Variants in TNFRSF11B observed in about 807,000 individuals in gnomAD.
TNFRSF11B encodes TNF receptor superfamily member 11b, also known as tumor necrosis factor receptor superfamily member 11B.
Under a neutral mutation model 43.4 loss-of-function variants are expected in TNFRSF11B, and 16 were observed. That is an observed-to-expected ratio of 0.37 (90% CI 0.25 to 0.56). The LOEUF (loss-of-function observed/expected upper bound fraction) is 0.56, where lower values mean the gene tolerates loss of function less well. Among genes scored for constraint, TNFRSF11B ranks in the 20% least tolerant of loss-of-function variants. TNFRSF11B has a pLI of 0.80. For synonymous variants in TNFRSF11B, 185 were observed against 181.8 expected, an observed-to-expected ratio of 1.02 and a Z score of -0.14; for missense variants, 444 against 490.1, an observed-to-expected ratio of 0.91 and a Z score of 0.89.
chr8:118,929,738 T>C (rs185893968), intron 2 of TNFRSF11B, among the ~76,000 whole-genome samples: 1 of 152,376 alleles, frequency 6.6e-6, no homozygotes, highest in East Asian at 1.9e-4. Context: ...CACTTGACTA[T>C]ATTACGCATG....
At chr8:118,929,924 A>G (rs1812303312) in intron 2 of TNFRSF11B, among the ~76,000 whole-genome samples, 1 of 152,364 alleles carries the variant, frequency 6.6e-6, no homozygotes, top group African/African-American at 2.4e-5. Flanking sequence ...ATTAAACTTC[A>G]TTTATAAATC....
chr8:118,931,430 T>C (rs974848856), intron 2 of TNFRSF11B, among the ~76,000 whole-genome samples: 2 of 152,232 alleles, frequency 1.3e-5, no homozygotes, highest in East Asian at 3.8e-4. Context: ...ATTTCCATTA[T>C]TTTTCAAAAT....
At chr8:118,932,835 C>CTATATTGCATTT in intron 2 of TNFRSF11B, 96 bp downstream of exon 2, 1 of 1,535,698 alleles carries the variant, frequency 6.5e-7, no homozygotes, top group Non-Finnish European at 8.9e-7. Context: ...AATTTGCTAT[C>CTATATTGCATTT]CTATAATGTC....
rs1310294177 is a variant in TNFRSF11B at position 118,924,065 on chromosome 8, T to C, written c.*309A>G. The C allele has an allele frequency of 4.1e-6, 1 of 243,982 alleles. No homozygotes were observed. The allele number at this position is 243,982 out of a possible 1,614,324, so 15.1% of individuals were successfully genotyped here. ...AAGCTATTTAAGTTAGACATTCCCA[T>C]ATTTAGTAAGGCACAATGGAGTCTA... On this transcript the variant is annotated 3_prime_UTR_variant, in exon 5 of 5. Transcript: ENST00000297350.
chr8:118,937,086 C>T (rs184160430), intron 1 of TNFRSF11B, among the ~76,000 whole-genome samples: 1 of 152,282 alleles, frequency 6.6e-6, no homozygotes, highest in East Asian at 1.9e-4. Context: ...TATCCCTCTC[C>T]TTGCCTTCCA....
At chr8:118,931,221 C>G (rs1411552313) in intron 2 of TNFRSF11B, among the ~76,000 whole-genome samples, 1 of 152,118 alleles carries the variant, frequency 6.6e-6, no homozygotes, top group African/African-American at 2.4e-5. Flanking sequence ...CATAGTCTTT[C>G]CTTCTCTTTG....
chr8:118,924,661 C>T lies in TNFRSF11B; in HGVS notation c.919G>A (p.Val307Met). The T allele has an allele frequency of 6.2e-7, 1 of 1,614,200 alleles. No homozygotes were observed. The highest frequency in any genetic ancestry group is 8.5e-7 in the Non-Finnish European group (1 of 1,180,042). Residue 307 changes from valine to methionine, a missense_variant, in exon 5 of 5, where the codon GTG becomes ATG. By Grantham distance (21) the Val-to-Met change is conservative. Coordinates refer to ENST00000297350, the MANE Select transcript of TNFRSF11B (RefSeq NM_002546.4). The stretch of plus-strand genomic sequence containing the variant: ...GTTTTTTCAATGTCTTCTGCTCCCA[C>T]TTTCTTTCCCGGTAAGCTTTCCATC... The part of the protein sequence containing the change: ...SLMESLPGKK[V>M]GAEDIEKTIK...
In TNFRSF11B at chr8:118,938,914, A is replaced by G. The variant is rs1243928064; in HGVS notation, c.31-5614T>C. Among the ~76,000 whole-genome samples, 3 of 152,358 alleles carry G rather than the reference A, an allele frequency of 2.0e-5. No homozygotes were observed. In the East Asian group the frequency reaches 5.8e-4, roughly 29 times the overall value. ...CTGTATGCAGAACCATGAGTGACAC[A>G]GTGGGTTTCCATTTATGGAAATTCA... On this transcript the variant is annotated intron_variant, in intron 1 of 4. Transcript: ENST00000297350.
chr8:118,935,286 C>A (rs1812386748), intron 1 of TNFRSF11B, among the ~76,000 whole-genome samples: 1 of 152,116 alleles, frequency 6.6e-6, no homozygotes, highest in Admixed American at 6.5e-5. Flanking sequence ...TGTTCTGAAT[C>A]TTTCAGAAAT....
At chr8:118,938,117 T>A (rs1185163173) in intron 1 of TNFRSF11B, among the ~76,000 whole-genome samples, 1 of 151,610 alleles carries the variant, frequency 6.6e-6, no homozygotes, top group Non-Finnish European at 1.5e-5. Context: ...AAAAAAGGAG[T>A]ATTTTGAACA....
intron 1 of TNFRSF11B, among the ~76,000 whole-genome samples, chr8:118,936,815 A>G (rs1812411950): frequency 6.6e-6 from 1 of 152,148 alleles, no homozygotes; most frequent in Non-Finnish European, 1.5e-5. Context: ...AACAAAAACA[A>G]AACAAAACAA....
intron 1 of TNFRSF11B, among the ~76,000 whole-genome samples, chr8:118,943,189 T>G (rs1378966687): frequency 2.0e-5 from 3 of 152,162 alleles, no homozygotes; most frequent in African/African-American, 7.2e-5. Flanking sequence ...ATCATACACT[T>G]ATTCCTGCAT....
chr8:118,943,613 T>TACTAATCTCTGCGAC (rs1812518603), intron 1 of TNFRSF11B, among the ~76,000 whole-genome samples: 1 of 152,126 alleles, frequency 6.6e-6, no homozygotes, highest in Admixed American at 6.5e-5. Flanking sequence ...ATCTCTGAGA[T>TACTAATCTCTGCGAC]AGAGATACTA....
intron 1 of TNFRSF11B, 85 bp downstream of exon 1, chr8:118,951,707 C>T (rs1812648782): frequency 7.3e-7 from 1 of 1,373,378 alleles, no homozygotes; most frequent in African/African-American, 1.4e-5. Flanking sequence ...AGCCTTCTCC[C>T]CGCCGGTCCG....
intron 2 of TNFRSF11B, among the ~76,000 whole-genome samples, chr8:118,931,906 C>A (rs1255791937): frequency 6.6e-6 from 1 of 152,074 alleles, no homozygotes; most frequent in Non-Finnish European, 1.5e-5. Context: ...TTGACAGTGT[C>A]TGAAGACATT....
chr8:118,940,526 C>T (rs11573871), intron 1 of TNFRSF11B, among the ~76,000 whole-genome samples: 5,612 of 152,226 alleles, frequency 0.037, 153 homozygotes, highest in Non-Finnish European at 0.06. Context: ...TTTTTACCTA[C>T]CTCACTGCAA....
At chr8:118,932,033 G>A (rs1346996899) in intron 2 of TNFRSF11B, among the ~76,000 whole-genome samples, 1 of 152,140 alleles carries the variant, frequency 6.6e-6, no homozygotes, top group Non-Finnish European at 1.5e-5. Flanking sequence ...TCCAGCCTAG[G>A]AATCCAGATA....
chr8:118,933,373 A>G (rs1196298976), intron 1 of TNFRSF11B, 73 bp from the exon 2 acceptor site: 3 of 1,592,930 alleles, frequency 1.9e-6, no homozygotes, highest in Non-Finnish European at 2.6e-6. Context: ...CAACAGTATC[A>G]TTTGACTCAA....
intron 1 of TNFRSF11B, among the ~76,000 whole-genome samples, chr8:118,948,560 A>G (rs1486935327): frequency 1.3e-5 from 2 of 151,904 alleles, no homozygotes; most frequent in Non-Finnish European, 2.9e-5. Flanking sequence ...CTGGTGCAGA[A>G]CGCTTACTTC....
Sources: gnomAD v4.1 joint callset for allele counts (sites outside exome capture counted in the v4.1 genomes callset) on GRCh38, gnomAD v4.1.1 for gene constraint, MANE v1.5 for transcripts, NCBI Gene and HGNC (gene_info 2026-07-23, HGNC 2026-07-21) for gene names.